The following TTC6 variants were observed in gnomAD, a reference collection of about 807,000 sequenced individuals.
TTC6 encodes the protein tetratricopeptide repeat domain 6.
Under a neutral mutation model 210.4 loss-of-function variants are expected in TTC6, and 172 were observed. The observed-to-expected ratio is 0.82, with a 90% CI of 0.72 to 0.93. The LOEUF is 0.93. Ranked by LOEUF, TTC6 falls within the 40% of genes least tolerant of loss-of-function variation. TTC6 has a pLI of 0.00. For synonymous variants in TTC6, 804 were observed against 819.6 expected (o/e 0.98, Z 0.32); for missense variants, 2,414 against 2,318.1 (o/e 1.04, Z -0.85).
chr14:37,714,731 C>G, exon 6 of TTC6: 1 of 1,535,706 alleles, frequency 6.5e-7, no homozygotes, highest in African/African-American at 1.4e-5. Flanking sequence ...AGGGATACCA[C>G]CTGAATTGGC....
intron 1 of TTC6, among the ~76,000 whole-genome samples, chr14:37,675,193 A>G (rs2095766384): frequency 1.3e-5 from 2 of 152,100 alleles, no homozygotes; most frequent in South Asian, 4.1e-4. Flanking sequence ...TCCTTCCAAA[A>G]GGATACACTA....
chr14:37,675,076 G>A (rs2095766098), intron 1 of TTC6, among the ~76,000 whole-genome samples: 1 of 151,888 alleles, frequency 6.6e-6, no homozygotes, highest in African/African-American at 2.4e-5. Flanking sequence ...ACACTGAGGT[G>A]AATTCATATA....
chr14:37,827,396 T>C, intron 29 of TTC6, 30 bp downstream of exon 31: 1 of 1,604,722 alleles, frequency 6.2e-7, no homozygotes, highest in Non-Finnish European at 8.5e-7. Context: ...ACGCTTTCTT[T>C]TTGACCTGGA....
At chr14:37,685,634 A>G (rs972091431) in intron 3 of TTC6, among the ~76,000 whole-genome samples, 8 of 152,328 alleles carry the variant, frequency 5.3e-5, no homozygotes, top group African/African-American at 1.9e-4. Flanking sequence ...TAAATCTGAC[A>G]GGGAGAATGA....
At chr14:37,607,569 G>T (rs141505262) in intron 2 of TTC6, among the ~76,000 whole-genome samples, 3 of 150,990 alleles carry the variant, frequency 2.0e-5, no homozygotes, top group Non-Finnish European at 4.4e-5. Flanking sequence ...TGTAGGAAAA[G>T]TTCATGAAAG....
At chr14:37,736,320 G>A (rs1668964372) in intron 8 of TTC6, among the ~76,000 whole-genome samples, 1 of 152,052 alleles carries the variant, frequency 6.6e-6, no homozygotes, top group Non-Finnish European at 1.5e-5. Flanking sequence ...CCAGGAGATC[G>A]AGGGCAACAG....
At position 37,836,475 on chromosome 14, in the gene TTC6, A is replaced by T. The variant is rs561495405; in HGVS notation, c.5299-4970A>T. Among the ~76,000 whole-genome samples, 15 of 152,290 alleles carry T rather than the reference A, an allele frequency of 9.8e-5. No homozygotes were observed. In the South Asian group the frequency reaches 3.1e-3, roughly 32 times the overall value. ...CACCTTTTTCACTCATTTGTCTTTG[A>T]TTACTATATGGGCATCATGTAGAAA... is the stretch of plus-strand genomic sequence containing the variant. On this transcript the variant is annotated intron_variant, in intron 29 of 30. Transcript: ENST00000553443.
intron 7 of TTC6, among the ~76,000 whole-genome samples, chr14:37,733,036 AC>A (rs2095892089): frequency 1.3e-5 from 2 of 152,092 alleles, no homozygotes; most frequent in South Asian, 4.1e-4. Flanking sequence ...TGAAGTTCAA[AC>A]CCATGTTATT....
intron 29 of TTC6, among the ~76,000 whole-genome samples, chr14:37,830,823 G>A (rs529360549): frequency 1.3e-5 from 2 of 151,310 alleles, no homozygotes; most frequent in South Asian, 2.1e-4. Context: ...CATACTAATT[G>A]TACATATTTA....
chr14:37,766,739 GC>G (rs1260220202), intron 14 of TTC6, among the ~76,000 whole-genome samples: 1 of 152,146 alleles, frequency 6.6e-6, no homozygotes, highest in Non-Finnish European at 1.5e-5. Flanking sequence ...TAATGTGATT[GC>G]TGGGTTGAAT....
At chr14:37,664,709 C>A (rs1002442543) in intron 1 of TTC6, among the ~76,000 whole-genome samples, 2 of 150,518 alleles carry the variant, frequency 1.3e-5, no homozygotes, top group South Asian at 4.2e-4. Context: ...TCAGAGTGAA[C>A]AGACAACCTA....
At chr14:37,645,902 G>A (rs552125919) in intron 1 of TTC6, among the ~76,000 whole-genome samples, 27 of 152,036 alleles carry the variant, frequency 1.8e-4, no homozygotes, top group East Asian at 3.9e-4. Context: ...AATAATTATC[G>A]TTTACCTATT....
intron 1 of TTC6, among the ~76,000 whole-genome samples, chr14:37,639,178 T>C (rs2095686711): frequency 6.6e-6 from 1 of 152,340 alleles, no homozygotes; most frequent in East Asian, 1.9e-4. Context: ...CTTGGCCCTT[T>C]GCTTTTCAAA....
At chr14:37,803,139 G>A (rs776472658) in intron 20 of TTC6, among the ~76,000 whole-genome samples, 2 of 152,014 alleles carry the variant, frequency 1.3e-5, no homozygotes, top group Non-Finnish European at 2.9e-5. Flanking sequence ...TTTGAGGACT[G>A]CTTTTTTATA....
intron 3 of TTC6, among the ~76,000 whole-genome samples, chr14:37,687,792 C>G (rs777485463): frequency 2.0e-5 from 3 of 152,094 alleles, no homozygotes; most frequent in Non-Finnish European, 4.4e-5. Flanking sequence ...CTCTGAATAA[C>G]TAGAAAGGAT....
chr14:37,801,941 A>C (rs1235890711), intron 20 of TTC6, among the ~76,000 whole-genome samples: 1 of 152,240 alleles, frequency 6.6e-6, no homozygotes, highest in Non-Finnish European at 1.5e-5. Flanking sequence ...AGATACATGC[A>C]TGTGTATGTT....
At chr14:37,661,826 G>T (rs2095737979) in intron 1 of TTC6, among the ~76,000 whole-genome samples, 1 of 152,096 alleles carries the variant, frequency 6.6e-6, no homozygotes, top group Non-Finnish European at 1.5e-5. Context: ...ATTTGCTTGT[G>T]TCCTCTCTGG....
intron 9 of TTC6, 85 bp downstream of exon 11, chr14:37,737,819 A>G (rs2095906112): frequency 3.3e-6 from 2 of 599,860 alleles, no homozygotes; most frequent in African/African-American, 1.9e-5. Flanking sequence ...TTTTAAAAGC[A>G]TCTACTTCTA....
At position 37,796,980 on chromosome 14, in the gene TTC6, C is replaced by T; in HGVS notation, c.4029+33C>T. The T allele has an allele frequency of 1.9e-6, 3 of 1,548,978 alleles. 1 individual carries two copies. The South Asian group carries it at 3.9e-5, about 20-fold the overall frequency. ...GTCCTCTGAGTAATGTTTACTAAAC[C>T]TATTAATGAAGTGTATATATTGTGC... On this transcript the variant is annotated intron_variant, in intron 20 of 30. Coordinates refer to ENST00000553443, the Ensembl canonical transcript of TTC6.
Sources: gnomAD v4.1 joint callset for allele counts (sites outside exome capture counted in the v4.1 genomes callset) on GRCh38, gnomAD v4.1.1 for gene constraint, MANE v1.5 for transcripts, NCBI Gene and HGNC (gene_info 2026-07-23, HGNC 2026-07-21) for gene names.